Variants in CNKSR2 observed in about 807,000 individuals in gnomAD.
CNKSR2 encodes connector enhancer of kinase suppressor of Ras 2.
A neutral mutation model predicts 84.4 loss-of-function variants in CNKSR2; 14 were observed. The ratio of observed to expected loss-of-function variants is 0.17; its 90% CI spans 0.11 to 0.26. CNKSR2 has a LOEUF of 0.26. Among genes scored for constraint, CNKSR2 ranks in the 10% least tolerant of loss-of-function variants. The pLI is 1.00. For missense variants in CNKSR2, 485 were observed against 771.2 expected (o/e 0.63, Z 4.40); for synonymous variants, 275 against 277.9 (o/e 0.99, Z 0.10).
chrX:21,488,422 A>G (rs968515931), intron 5 of CNKSR2, among the ~76,000 whole-genome samples: 5 of 111,835 alleles, frequency 4.5e-5, no homozygotes, highest in African/African-American at 1.6e-4. Flanking sequence ...GATATAAAAT[A>G]ACTTGTTTAT....
intron 20 of CNKSR2, chrX:21,641,927 C>G (rs1238789476): frequency 1.3e-6 from 1 of 786,974 alleles, no homozygotes; most frequent in Non-Finnish European, 1.5e-6. Flanking sequence ...GGGAAAGGGT[C>G]TTAACTGGGA....
chrX:21,549,499 T>G (rs949809023), intron 11 of CNKSR2, among the ~76,000 whole-genome samples: 4 of 111,538 alleles, frequency 3.6e-5, no homozygotes, highest in African/African-American at 1.3e-4. Flanking sequence ...CCAAAGTAAT[T>G]TATAGATTAA....
Position 21,543,257 on chromosome X carries a change from T to C in CNKSR2, c.1303+11190T>C, listed in dbSNP as rs1019292186. Reference sequence around the variant, plus strand: ...ACAAAAGAAAATAGGATTCTACCCATGGGAAATTTTTGTGTTCAAGTAAAA... The same window carrying C: ...ACAAAAGAAAATAGGATTCTACCCACGGGAAATTTTTGTGTTCAAGTAAAA... On this transcript the variant is annotated intron_variant, in intron 11 of 21. Transcript: ENST00000379510. Among the ~76,000 whole-genome samples, 40 of 112,571 alleles carry C rather than the reference T, an allele frequency of 3.6e-4. 1 individual carries two copies. Among genetic ancestry groups the C allele is most frequent in the African/African-American group, 1.2e-3 (36 of 31,081 alleles).
At chrX:21,577,802 C>T (rs755165249) in intron 13 of CNKSR2, among the ~76,000 whole-genome samples, 102 of 110,434 alleles carry the variant, frequency 9.2e-4, no homozygotes, top group South Asian at 1.9e-3. Flanking sequence ...ACTTAACTCC[C>T]ACAATATATT....
intron 21 of CNKSR2, 32 bp from the exon 22 acceptor site, chrX:21,652,274 T>G (rs1234487719): frequency 9.1e-7 from 1 of 1,101,927 alleles, no homozygotes; most frequent in African/African-American, 1.8e-5. Context: ...ACTTTGTCCC[T>G]GTCTTAATTG....
intron 1 of CNKSR2, among the ~76,000 whole-genome samples, chrX:21,378,964 A>C (rs1216223723): frequency 1.8e-5 from 2 of 111,964 alleles, no homozygotes; most frequent in Non-Finnish European, 1.9e-5. Flanking sequence ...GTTTACTATA[A>C]ATCATTTCTT....
chrX:21,482,971 C>G (rs896815257), intron 5 of CNKSR2, among the ~76,000 whole-genome samples: 1 of 111,927 alleles, frequency 8.9e-6, no homozygotes, highest in East Asian at 2.8e-4. Flanking sequence ...ATTTGAAAAT[C>G]TTAGTCTTTG....
intron 6 of CNKSR2, chrX:21,493,532 G>C (rs2091463522): frequency 8.9e-6 from 1 of 111,841 alleles, no homozygotes; most frequent in Non-Finnish European, 1.9e-5. Flanking sequence ...GTGCAAGTCA[G>C]CTCTAGAATT....
chrX:21,490,378 G>T (rs1209163298), intron 5 of CNKSR2, 81 bp from the exon 6 acceptor site: 3 of 971,303 alleles, frequency 3.1e-6, no homozygotes, highest in Admixed American at 2.9e-5. Flanking sequence ...TTTTCCTTAT[G>T]AAAACGTTAT....
chrX:21,413,354 A>G, intron 1 of CNKSR2, among the ~76,000 whole-genome samples: 1 of 110,986 alleles, frequency 9.0e-6, no homozygotes, highest in Admixed American at 9.6e-5. Flanking sequence ...TATATGGGGT[A>G]CATGAGATGT....
chrX:21,530,030 A>T (rs952074851), intron 10 of CNKSR2, among the ~76,000 whole-genome samples: 1 of 110,823 alleles, frequency 9.0e-6, no homozygotes, highest in African/African-American at 3.3e-5. Flanking sequence ...ACCTTACTCC[A>T]GTGCCACAAA....
At chrX:21,454,841 G>A (rs987110231) in intron 4 of CNKSR2, among the ~76,000 whole-genome samples, 3 of 111,675 alleles carry the variant, frequency 2.7e-5, no homozygotes, top group Non-Finnish European at 5.7e-5. Context: ...AATACACTTG[G>A]GAGGCAGATA....
chrX:21,477,759 A>T (rs2091275075), intron 5 of CNKSR2, among the ~76,000 whole-genome samples: 1 of 111,758 alleles, frequency 8.9e-6, no homozygotes, highest in Non-Finnish European at 1.9e-5. Flanking sequence ...AACCTTGAGG[A>T]TGTGTTTAAG....
intron 20 of CNKSR2, among the ~76,000 whole-genome samples, chrX:21,619,977 A>T (rs180763230): frequency 8.2e-4 from 91 of 110,981 alleles, no homozygotes; most frequent in African/African-American, 2.7e-3. Flanking sequence ...GAATTCTGTT[A>T]TCTTTTTAAA....
Position 21,590,585 on chromosome X carries a change from C to G in CNKSR2, c.1622C>G (p.Ser541Cys). The G allele has an allele frequency of 2.5e-6, 3 of 1,208,325 alleles. No homozygotes were observed. Among genetic ancestry groups the G allele is most frequent in the Non-Finnish European group, 3.4e-6 (3 of 893,516 alleles). Residue 541 changes from serine (S) to cysteine (C), a missense_variant, in exon 14 of 22, where the codon TCC (serine) becomes TGC (cysteine). Ser to Cys is a moderately radical substitution (Grantham distance 112). Transcript: ENST00000379510. Reference sequence around the variant, plus strand: ...CTTTGATTTCAGACATTTCAGCAGTCCTCACTGCAGCACAAATCAAAGAAG... The same window carrying G: ...CTTTGATTTCAGACATTTCAGCAGTGCTCACTGCAGCACAAATCAAAGAAG... ...ETTLYHTFQQ[S>C]SLQHKSKKKN...
rs1188839795 is a variant in CNKSR2, at chrX:21,374,760, C to G, written c.-138C>G. On this transcript the variant is annotated 5_prime_UTR_variant, in exon 1 of 22. Coordinates refer to ENST00000379510, the MANE Select transcript of CNKSR2 (RefSeq NM_014927.5). ...AAGACGTTACAGCCGCGAGACCCGA[C>G]ACACAAAAGCCGCTTTCTCCGCGCC... The G allele has an allele frequency of 1.8e-6, 1 of 545,432 alleles. No homozygotes were observed. Among genetic ancestry groups the G allele is most frequent in the Non-Finnish European group, 3.2e-6 (1 of 308,922 alleles). 44.9% of individuals were successfully genotyped at this position (545,432 alleles called of 1,213,427 possible).
rs748623343 is a variant in CNKSR2, at chrX:21,507,029, G to T, written c.810+5441G>T. Among the ~76,000 whole-genome samples, 15 of 106,818 alleles carry T rather than the reference G, an allele frequency of 1.4e-4. No homozygotes were observed. The East Asian group carries it at 4.5e-3, about 32-fold the overall frequency. The allele number at this position is 106,818 out of a possible 115,157, so 92.8% of individuals were successfully genotyped here. A position where few individuals can be genotyped will look rare whatever the true frequency, so the allele number is the denominator to read the frequency against. On this transcript the variant is annotated intron_variant, in intron 8 of 21. Coordinates refer to ENST00000379510, the MANE Select transcript of CNKSR2 (RefSeq NM_014927.5). ...CTTTCATAAAAGGAAGAGTCTGCCA[G>T]TCACAATTGCCCAATCCACTTCCTT...
chrX:21,505,596 T>A (rs1215937018), intron 8 of CNKSR2: 1 of 111,443 alleles, frequency 9.0e-6, no homozygotes, highest in East Asian at 2.8e-4. Flanking sequence ...CTAACTTCAT[T>A]TATGCGTCTC....
At chrX:21,484,103 A>C (rs1226199967) in intron 5 of CNKSR2, among the ~76,000 whole-genome samples, 1 of 111,789 alleles carries the variant, frequency 8.9e-6, no homozygotes, top group Non-Finnish European at 1.9e-5. Context: ...CAGCCTGGCC[A>C]ACATGGTGAA....
Sources: allele counts gnomAD v4.1 joint callset (sites outside exome capture counted in the v4.1 genomes callset), GRCh38; gene constraint gnomAD v4.1.1; transcripts MANE v1.5; gene names NCBI Gene and HGNC (gene_info 2026-07-23, HGNC 2026-07-21).